NLGN1: variants seen among roughly 807,000 people sequenced by gnomAD.
NLGN1 encodes the protein neuroligin 1.
A neutral mutation model predicts 65.5 loss-of-function variants in NLGN1; 12 were observed. The ratio of observed to expected loss-of-function variants is 0.18; its 90% CI spans 0.12 to 0.30. NLGN1 has a LOEUF of 0.30. NLGN1 is among the 10% of genes least tolerant of loss of function. The pLI is 1.00. For synonymous variants in NLGN1, 350 were observed against 359.5 expected (o/e 0.97, Z 0.30); for missense variants, 750 against 1,007.1 (o/e 0.74, Z 3.46).
chr3:173,535,998 A>G (rs1455758143), intron 2 of NLGN1, among the ~76,000 whole-genome samples: 1 of 152,204 alleles, frequency 6.6e-6, no homozygotes, highest in East Asian at 1.9e-4. Context: ...GAAGTTTTAC[A>G]CAGCAAAGCA....
intron 4 of NLGN1, among the ~76,000 whole-genome samples, chr3:174,091,079 T>A (rs1026526483): frequency 6.6e-6 from 1 of 152,200 alleles, no homozygotes; most frequent in Non-Finnish European, 1.5e-5. Context: ...TTCAGACAGC[T>A]CTGACCTTCC....
At chr3:173,455,716 G>A (rs376665732) in intron 2 of NLGN1, among the ~76,000 whole-genome samples, 9 of 151,814 alleles carry the variant, frequency 5.9e-5, no homozygotes, top group African/African-American at 9.6e-5. Context: ...GTATATATAT[G>A]TGTGTATATA....
intron 2 of NLGN1, among the ~76,000 whole-genome samples, chr3:173,482,438 C>G (rs1299661492): frequency 6.6e-6 from 1 of 151,916 alleles, no homozygotes; most frequent in Admixed American, 6.6e-5. Flanking sequence ...TACCTTCACT[C>G]CCAGCCCCAT....
intron 4 of NLGN1, among the ~76,000 whole-genome samples, chr3:174,144,817 G>A (rs1722914173): frequency 6.6e-6 from 1 of 152,052 alleles, no homozygotes; most frequent in Admixed American, 6.6e-5. Flanking sequence ...TTTGTCAGAT[G>A]GATAGATTGC....
At chr3:174,009,815 C>T (rs567712243) in intron 4 of NLGN1, among the ~76,000 whole-genome samples, 17 of 152,150 alleles carry the variant, frequency 1.1e-4, no homozygotes, top group African/African-American at 4.1e-4. Context: ...GGAAGCCTTC[C>T]TTGAGAGGAC....
intron 4 of NLGN1, among the ~76,000 whole-genome samples, chr3:173,901,896 A>T (rs754771969): frequency 5.3e-5 from 8 of 152,130 alleles, no homozygotes; most frequent in Non-Finnish European, 1.0e-4. Flanking sequence ...TACACTGTAT[A>T]TATTGAGACT....
At chr3:173,794,898 G>A (rs991591011) in intron 3 of NLGN1, among the ~76,000 whole-genome samples, 1 of 152,052 alleles carries the variant, frequency 6.6e-6, no homozygotes, top group Non-Finnish European at 1.5e-5. Flanking sequence ...ATACAAATGA[G>A]CTCTTCTCAG....
intron 3 of NLGN1, among the ~76,000 whole-genome samples, chr3:173,792,411 A>G (rs760182631): frequency 1.2e-4 from 19 of 152,174 alleles, no homozygotes; most frequent in Non-Finnish European, 2.4e-4. Flanking sequence ...TATCCTGAAG[A>G]CAGCATTTTG....
At chr3:174,288,549 T>G (rs1752390463), downstream of NLGN1, among the ~76,000 whole-genome samples, 1 of 151,516 alleles carries the variant, frequency 6.6e-6, no homozygotes, top group African/African-American at 2.4e-5. Flanking sequence ...TGATCTCAAA[T>G]ATTTAAAGAT....
At chr3:173,521,422 A>G (rs1225931065) in intron 2 of NLGN1, among the ~76,000 whole-genome samples, 2 of 151,284 alleles carry the variant, frequency 1.3e-5, no homozygotes, top group African/African-American at 2.4e-5. Context: ...TGTTAAAACC[A>G]TGGTTCTCCT....
intron 3 of NLGN1, among the ~76,000 whole-genome samples, chr3:173,623,489 T>G (rs1192832419): frequency 6.6e-6 from 1 of 152,076 alleles, no homozygotes; most frequent in African/African-American, 2.4e-5. Flanking sequence ...ATATAGACTT[T>G]TTGACAGGTC....
chr3:174,242,989 C>T (rs1458087207), intron 4 of NLGN1, among the ~76,000 whole-genome samples: 1 of 152,278 alleles, frequency 6.6e-6, no homozygotes, highest in Non-Finnish European at 1.5e-5. Flanking sequence ...GCTTAACTCC[C>T]TGCCTTGATT....
chr3:173,466,976 C>T (rs1020954193), intron 2 of NLGN1, among the ~76,000 whole-genome samples: 3 of 151,998 alleles, frequency 2.0e-5, no homozygotes, highest in African/African-American at 7.2e-5. Flanking sequence ...TTTTATAACA[C>T]ATATTTTGAA....
At chr3:173,672,379 G>C (rs1427518278) in intron 3 of NLGN1, among the ~76,000 whole-genome samples, 1 of 152,164 alleles carries the variant, frequency 6.6e-6, no homozygotes, top group African/African-American at 2.4e-5. Context: ...GGTGAATAAA[G>C]ACTGGGTGAA....
At chr3:173,557,752 C>A (rs765429605) in intron 2 of NLGN1, among the ~76,000 whole-genome samples, 4 of 151,920 alleles carry the variant, frequency 2.6e-5, no homozygotes, top group Non-Finnish European at 5.9e-5. Context: ...TGTTAGTAAC[C>A]CCATGATGCT....
intron 4 of NLGN1, among the ~76,000 whole-genome samples, chr3:173,889,873 A>G (rs1191059674): frequency 2.0e-5 from 3 of 152,260 alleles, no homozygotes; most frequent in Non-Finnish European, 4.4e-5. Flanking sequence ...GAATGACTCA[A>G]AGAAAACGTT....
At chr3:173,493,744 G>T (rs1410787768) in intron 2 of NLGN1, among the ~76,000 whole-genome samples, 1 of 151,710 alleles carries the variant, frequency 6.6e-6, no homozygotes, top group South Asian at 2.1e-4. Flanking sequence ...AGGCAGTGTA[G>T]CACAAGAATT....
chr3:173,798,701 T>A (rs1714721190), intron 3 of NLGN1, among the ~76,000 whole-genome samples: 1 of 152,050 alleles, frequency 6.6e-6, no homozygotes, highest in African/African-American at 2.4e-5. Context: ...ATCACTTAAT[T>A]TATTGTTTAT....
intron 1 of NLGN1, among the ~76,000 whole-genome samples, chr3:173,402,589 A>G (rs892894036): frequency 1.3e-5 from 2 of 152,118 alleles, no homozygotes; most frequent in African/African-American, 2.4e-5. Flanking sequence ...TGGCTCTGGT[A>G]CGACTTCACT....
Sources: gnomAD v4.1 joint callset for allele counts (sites outside exome capture counted in the v4.1 genomes callset) on GRCh38, gnomAD v4.1.1 for gene constraint, MANE v1.5 for transcripts, NCBI Gene and HGNC (gene_info 2026-07-23, HGNC 2026-07-21) for gene names.